The following TUBB8B variants were observed in gnomAD, a reference collection of about 807,000 sequenced individuals.
TUBB8B encodes the protein HSA18p11 beta-tubulin 4Q pseudogene.
Under a neutral mutation model 31.9 loss-of-function variants are expected in TUBB8B, and 26 were observed. The ratio of observed to expected loss-of-function variants is 0.81; its 90% CI spans 0.60 to 1.13. The LOEUF is 1.13. TUBB8B is among the 50% of genes most tolerant of loss of function. TUBB8B has a pLI of 0.00. For synonymous variants in TUBB8B, 173 were observed against 231.0 expected (o/e 0.75, Z 2.28); for missense variants, 467 against 586.7 (o/e 0.80, Z 2.11).
the TUBB8B span, among the ~76,000 whole-genome samples, chr18:64,680 G>A: frequency 6.6e-6 from 1 of 152,124 alleles, no homozygotes; most frequent in Non-Finnish European, 1.5e-5. Context: ...AGCCAAGACT[G>A]CGCCACTGCA....
chr18:73,071 G>C, the TUBB8B span, among the ~76,000 whole-genome samples: 3 of 152,050 alleles, frequency 2.0e-5, no homozygotes, highest in East Asian at 1.9e-4. Flanking sequence ...ACCGCCCGAC[G>C]GCGTCTCCGC....
chr18:64,123 C>T, the TUBB8B span, among the ~76,000 whole-genome samples: 1 of 152,042 alleles, frequency 6.6e-6, no homozygotes, highest in Non-Finnish European at 1.5e-5. Flanking sequence ...AACCCTAACA[C>T]TAACCATCTA....
the TUBB8B span, among the ~76,000 whole-genome samples, chr18:58,660 T>A: frequency 6.6e-6 from 1 of 151,774 alleles, no homozygotes; most frequent in Non-Finnish European, 1.5e-5. Flanking sequence ...TTCTTCTGAA[T>A]CCTACAAACT....
At chr18:60,118 G>C in the TUBB8B span, among the ~76,000 whole-genome samples, 1 of 151,550 alleles carries the variant, frequency 6.6e-6, no homozygotes, top group Non-Finnish European at 1.5e-5. Flanking sequence ...CTATTTTTCA[G>C]TCTGGTCCTA....
the TUBB8B span, among the ~76,000 whole-genome samples, chr18:63,947 ACCCTAACCCTAAC>A: frequency 6.3e-5 from 9 of 141,772 alleles, no homozygotes; most frequent in East Asian, 8.1e-4. Context: ...CTTAACCCTT[ACCCTAACCCTAAC>A]CCCTAACCCT....
chr18:48,067 G>A lies in TUBB8B; in HGVS notation c.658C>T (p.Pro220Ser), dbSNP rs770383497. 2.5e-6 allele frequency: 4 copies of A among 1,613,658 alleles called. No individual in the cohort carries two copies. Among genetic ancestry groups the A allele is most frequent in the East Asian group, 2.2e-5 (1 of 44,876 alleles). The change falls in exon 4 of 4, where the codon CCC becomes TCC. Residue 220 changes from proline to serine, a missense_variant. By Grantham distance (74) the Pro-to-Ser change is moderately conservative. Coordinates refer to ENST00000308911, the MANE Select transcript of TUBB8B (RefSeq NM_001358689.2). ...ICSRTLKLPT[P>S]TYGDLNHLVS... is the part of the protein sequence containing the mutation. ...AGGTGGTTCAGGTCACCATAGGTGG[G>A]TGTGGGCAGTTTTAGGGTCCTGGAA... is the stretch of plus-strand genomic sequence containing the variant.
At chr18:66,837 G>C in the TUBB8B span, among the ~76,000 whole-genome samples, 1 of 152,256 alleles carries the variant, frequency 6.6e-6, no homozygotes, top group South Asian at 2.1e-4. Flanking sequence ...GATCCACAAA[G>C]AATCTGTAGG....
chr18:60,136 T>C, the TUBB8B span, among the ~76,000 whole-genome samples: 1 of 151,822 alleles, frequency 6.6e-6, no homozygotes, highest in African/African-American at 2.4e-5. Context: ...CTACAGACAT[T>C]TTTTTATTAT....
Position 47,817 on chromosome 18 carries a change from C to G in TUBB8B, c.908G>C (p.Cys303Ser), listed in dbSNP as rs543933409. ...MFDAKNMMAA[C>S]DPRHGCYLTV... ...TAGGTAGCAGCCGTGACGGGGGTCA[C>G]AGGCAGCCATCATGTTCTTAGCATC... is the stretch of plus-strand genomic sequence containing the variant. Residue 303 changes from cysteine to serine, a missense_variant, in exon 4 of 4, where the codon TGT (cysteine) becomes TCT (serine). By Grantham distance (112) the Cys-to-Ser change is moderately radical. Transcript: ENST00000308911. The G allele has an allele frequency of 1.2e-6, 2 of 1,611,772 alleles. No homozygotes were observed. Among genetic ancestry groups the G allele is most frequent in the East Asian group, 2.2e-5 (1 of 44,870 alleles).
At chr18:71,663 C>A in the TUBB8B span, among the ~76,000 whole-genome samples, 3 of 148,644 alleles carry the variant, frequency 2.0e-5, no homozygotes, top group East Asian at 6.4e-4. Flanking sequence ...GCGGGTGGAT[C>A]ACTTGAGGTC....
the TUBB8B span, among the ~76,000 whole-genome samples, chr18:63,681 A>AC: frequency 2.0e-5 from 3 of 146,780 alleles, no homozygotes; most frequent in African/African-American, 5.2e-5. Flanking sequence ...CCTAACCCTA[A>AC]CCCTAACCCC....
chr18:63,822 A>AC, the TUBB8B span, among the ~76,000 whole-genome samples: 1 of 144,264 alleles, frequency 6.9e-6, no homozygotes, highest in Non-Finnish European at 1.5e-5. Flanking sequence ...CCTAACCCTA[A>AC]CCCTAACCCC....
At chr18:49,952 TG>T (rs1906006808), upstream of TUBB8B, 29 of 456,990 alleles carry the variant, frequency 6.3e-5, 2 homozygotes, top group South Asian at 4.6e-4. Flanking sequence ...TTGATATTTT[TG>T]TAATGGAGAT....
At chr18:69,188 T>C in the TUBB8B span, among the ~76,000 whole-genome samples, 1 of 152,180 alleles carries the variant, frequency 6.6e-6, no homozygotes, top group Non-Finnish European at 1.5e-5. Flanking sequence ...AACTAATTAC[T>C]GAAATTTAAT....
At chr18:60,788 T>C in the TUBB8B span, among the ~76,000 whole-genome samples, 1 of 151,810 alleles carries the variant, frequency 6.6e-6, no homozygotes, top group Non-Finnish European at 1.5e-5. Context: ...CATTTTTTAA[T>C]TGATTTCTAG....
the TUBB8B span, among the ~76,000 whole-genome samples, chr18:58,663 T>C: frequency 6.6e-6 from 1 of 151,828 alleles, no homozygotes; most frequent in Non-Finnish European, 1.5e-5. Context: ...TTCTGAATCC[T>C]ACAAACTCTT....
rs1263259606 is a variant in TUBB8B at position 47,813 on chromosome 18, G to T, written c.912C>A (p.Asp304Glu). The change falls in exon 4 of 4, where the codon GAC becomes GAA. Residue 304 changes from aspartate (D) to glutamate (E), a missense_variant. This residue lies in a region of TUBB8B where 208 missense variants were observed against 206.7 expected (regional missense o/e 1.01). Coordinates refer to ENST00000308911, the MANE Select transcript of TUBB8B (RefSeq NM_001358689.2). ...FDAKNMMAAC[D>E]PRHGCYLTVA... ...CCGTTAGGTAGCAGCCGTGACGGGG[G>T]TCACAGGCAGCCATCATGTTCTTAG... is the stretch of plus-strand genomic sequence containing the variant. The T allele has an allele frequency of 3.7e-6, 6 of 1,611,782 alleles. No homozygotes were observed. In the East Asian group the frequency reaches 1.3e-4, roughly 36 times the overall value.
Position 48,311 on chromosome 18 carries a change from G to A in TUBB8B, c.414C>T (p.Ser138=), listed in dbSNP as rs552620954. ...TCCCAGACCCAGTCCCCCCACCCAG[G>A]GAGTGGGTCAGCTGGAAACCCTGCA... ...DCLQGFQLTH[S]LGGGTGSGMG... Residue 138 remains serine, a synonymous_variant, in exon 4 of 4, where the codon TCC becomes TCT. Transcript: ENST00000308911. 74 of 1,610,534 alleles carry A rather than the reference G, an allele frequency of 4.6e-5. No homozygotes were observed. The Admixed American group carries it at 1.1e-3, about 23-fold the overall frequency.
At chr18:57,520 G>A in the TUBB8B span, among the ~76,000 whole-genome samples, 5 of 151,802 alleles carry the variant, frequency 3.3e-5, no homozygotes, top group Admixed American at 2.6e-4. Context: ...TTGTGGCTTT[G>A]CATGGTTCAG....
Sources: gnomAD v4.1 joint callset for allele counts (sites outside exome capture counted in the v4.1 genomes callset) on GRCh38, gnomAD v4.1.1 for gene constraint, gnomAD v4.1.1 regional missense constraint, MANE v1.5 for transcripts, NCBI Gene and HGNC (gene_info 2026-07-23, HGNC 2026-07-21) for gene names.